The following ATG7 variants were observed in gnomAD, a reference collection of about 807,000 sequenced individuals.
ATG7 encodes the protein autophagy related 7, also known as ubiquitin-like modifier-activating enzyme ATG7.
A neutral mutation model predicts 82.4 loss-of-function variants in ATG7; 70 were observed. The observed-to-expected ratio is 0.85, with a 90% CI of 0.70 to 1.04. The LOEUF is 1.04. Among genes scored for constraint, ATG7 ranks in the 50% least tolerant of loss-of-function variants. The pLI, the probability that ATG7 is intolerant of heterozygous loss-of-function variation, is 0.00. For missense variants in ATG7, 792 were observed against 864.3 expected (o/e 0.92, Z 1.05); for synonymous variants, 287 against 313.0 (o/e 0.92, Z 0.88).
At chr3:11,308,415 T>A (rs1948107920) in intron 6 of ATG7, 1 of 152,540 alleles carries the variant, frequency 6.6e-6, no homozygotes, top group African/African-American at 2.4e-5. Context: ...AAATAAGACT[T>A]CAAGAAACCC....
intron 19 of ATG7, among the ~76,000 whole-genome samples, chr3:11,381,790 C>G (rs1018674721): frequency 6.6e-6 from 1 of 152,144 alleles, no homozygotes; most frequent in African/African-American, 2.4e-5. Flanking sequence ...TATTAAATTT[C>G]TTTTGTCCTG....
intron 20 of ATG7, among the ~76,000 whole-genome samples, chr3:11,447,416 G>A (rs186831349): frequency 1.3e-5 from 2 of 150,410 alleles, no homozygotes; most frequent in East Asian, 2.0e-4. Context: ...GCAGTGAGCC[G>A]AGATCACACC....
At chr3:11,471,024 A>G (rs1256484331) in intron 20 of ATG7, among the ~76,000 whole-genome samples, 1 of 152,082 alleles carries the variant, frequency 6.6e-6, no homozygotes, top group Non-Finnish European at 1.5e-5. Context: ...TTTCTCCATC[A>G]AACTCCCCAT....
chr3:11,383,826 C>G (rs2078108531), intron 19 of ATG7, among the ~76,000 whole-genome samples: 1 of 152,236 alleles, frequency 6.6e-6, no homozygotes, highest in Admixed American at 6.5e-5. Flanking sequence ...GCCCATACTA[C>G]TACAGAAAAT....
intron 20 of ATG7, among the ~76,000 whole-genome samples, chr3:11,528,472 A>G (rs2092629479): frequency 6.6e-6 from 1 of 152,176 alleles, no homozygotes; most frequent in East Asian, 1.9e-4. Flanking sequence ...AAAAATGCTT[A>G]CCTCTGATAT....
At chr3:11,290,148 A>C (rs949214109) in intron 3 of ATG7, among the ~76,000 whole-genome samples, 1 of 152,222 alleles carries the variant, frequency 6.6e-6, no homozygotes, top group Non-Finnish European at 1.5e-5. Context: ...AACAGAAGTA[A>C]CTAGTTGTTC....
intron 20 of ATG7, among the ~76,000 whole-genome samples, chr3:11,530,487 A>AAAGAAATGC (rs371381710): frequency 3.5e-4 from 53 of 152,304 alleles, no homozygotes; most frequent in African/African-American, 1.2e-3. Context: ...GATTTGCTTT[A>AAAGAAATGC]AAGAAATGCA....
At position 11,347,977 on chromosome 3, in the gene ATG7, G is replaced by T. The variant is rs773870148; in HGVS notation, c.1226G>T (p.Gly409Val). ...PLYEFEDCLG[G>V]GKPKALAAAD... The stretch of plus-strand genomic sequence containing the variant: ...TATGAGTTTGAAGATTGCCTAGGGG[G>T]TGGTAAGCCCAAGGCTCTGGCAGCA... The change falls in exon 14 of 21, where the codon GGT (glycine) becomes GTT (valine). Residue 409 changes from glycine (G) to valine (V), a missense_variant. By Grantham distance (109) the Gly-to-Val change is moderately radical (BLOSUM62 -3). Transcript: ENST00000693202. The T allele has an allele frequency of 3.7e-6, 6 of 1,614,166 alleles. No individual in the cohort carries two copies. In the East Asian group the frequency reaches 6.7e-5, roughly 18 times the overall value.
At chr3:11,481,202 T>A (rs1018913587) in intron 20 of ATG7, among the ~76,000 whole-genome samples, 1 of 152,196 alleles carries the variant, frequency 6.6e-6, no homozygotes, top group Non-Finnish European at 1.5e-5. Flanking sequence ...CGGTACAAGG[T>A]TTCAGCTGGG....
chr3:11,452,003 TCAC>T (rs1278454453), intron 20 of ATG7, among the ~76,000 whole-genome samples: 7 of 136,174 alleles, frequency 5.1e-5, no homozygotes, highest in Non-Finnish European at 9.1e-5. Flanking sequence ...AGATTCATGG[TCAC>T]CAGGGACTTG....
At chr3:11,511,943 G>A (rs373375747) in intron 20 of ATG7, among the ~76,000 whole-genome samples, 4 of 152,192 alleles carry the variant, frequency 2.6e-5, no homozygotes, top group Middle Eastern at 3.4e-3. Context: ...GCCTGCAAGC[G>A]CCGCATGCAG....
At chr3:11,338,573 C>A (rs764666004) in intron 11 of ATG7, among the ~76,000 whole-genome samples, 4 of 152,014 alleles carry the variant, frequency 2.6e-5, no homozygotes, top group Non-Finnish European at 4.4e-5. Context: ...CTAGCTGCTC[C>A]GAAGGCTGAA....
chr3:11,553,053 C>T (rs2071972506), intron 20 of ATG7, among the ~76,000 whole-genome samples: 1 of 152,044 alleles, frequency 6.6e-6, no homozygotes, highest in Non-Finnish European at 1.5e-5. Context: ...GGCTGGCAGC[C>T]CTCCAAGGAG....
intron 3 of ATG7, among the ~76,000 whole-genome samples, chr3:11,288,122 C>T (rs1167924623): frequency 1.3e-5 from 2 of 152,238 alleles, no homozygotes; most frequent in Non-Finnish European, 2.9e-5. Flanking sequence ...AGACCCTGGT[C>T]TTGTCTGACT....
chr3:11,507,967 AAAAC>A (rs2091834834), intron 20 of ATG7, among the ~76,000 whole-genome samples: 1 of 152,168 alleles, frequency 6.6e-6, no homozygotes, highest in South Asian at 2.1e-4. Context: ...AAAAAACAAA[AAAAC>A]AAAAAACAAA....
intron 9 of ATG7, among the ~76,000 whole-genome samples, chr3:11,327,483 G>GTGTA (rs1951042094): frequency 6.6e-6 from 1 of 152,230 alleles, no homozygotes; most frequent in Non-Finnish European, 1.5e-5. Context: ...ATCAGATTGA[G>GTGTA]TGTATGTATG....
intron 20 of ATG7, among the ~76,000 whole-genome samples, chr3:11,522,332 G>T (rs976960571): frequency 1.3e-5 from 2 of 152,182 alleles, no homozygotes; most frequent in Non-Finnish European, 2.9e-5. Flanking sequence ...GGAGAATCAT[G>T]TATTTTTAGA....
At chr3:11,281,632 G>A (rs553034659) in intron 2 of ATG7, among the ~76,000 whole-genome samples, 20 of 152,168 alleles carry the variant, frequency 1.3e-4, no homozygotes, top group African/African-American at 4.8e-4. Context: ...AAATTACCTG[G>A]GCGTAGTGGC....
intron 20 of ATG7, among the ~76,000 whole-genome samples, chr3:11,465,673 A>C (rs901564813): frequency 6.6e-6 from 1 of 151,912 alleles, no homozygotes; most frequent in Non-Finnish European, 1.5e-5. Context: ...ACTGAGGGGG[A>C]AGGATTGCTT....
Sources: gnomAD v4.1 joint callset for allele counts (sites outside exome capture counted in the v4.1 genomes callset) on GRCh38, gnomAD v4.1.1 for gene constraint, MANE v1.5 for transcripts, NCBI Gene and HGNC (gene_info 2026-07-23, HGNC 2026-07-21) for gene names.